Variants in TAF15 observed in about 807,000 individuals in gnomAD.
TAF15 encodes the protein TATA-binding protein-associated factor 2N.
Under a neutral mutation model 102.5 loss-of-function variants are expected in TAF15, and 37 were observed. The ratio of observed to expected loss-of-function variants is 0.36; its 90% confidence interval spans 0.28 to 0.47. The LOEUF is 0.47. TAF15 is among the 20% of genes least tolerant of loss of function. TAF15 has a pLI of 0.99. For synonymous variants in TAF15, 273 were observed against 259.2 expected (o/e 1.05, Z -0.51); for missense variants, 652 against 760.7 (o/e 0.86, Z 1.68).
rs2087525076 is a variant in TAF15, at chr17:35,840,029, GTTACTCCCGTT to G, written c.913+1481_913+1491del. 3.3e-5 allele frequency among the ~76,000 whole-genome samples: 5 copies of G among 152,016 alleles called. No homozygotes were observed. In the South Asian group the frequency reaches 1.0e-3, roughly 31 times the overall value. On this transcript the variant is annotated intron_variant, in intron 11 of 15. Coordinates refer to ENST00000605844, the MANE Select transcript of TAF15 (RefSeq NM_139215.3). ...AATAATCTTATGAGACATATGCCCT[GTTACTCCCGTT>G]TTACAGAGAGTGAAACTGATGCATA...
intron 1 of TAF15, chr17:35,809,894 G>A (rs1410221046): frequency 9.0e-6 from 5 of 553,488 alleles, no homozygotes; most frequent in Non-Finnish European, 1.6e-5. Flanking sequence ...CATCGTAGGG[G>A]CGGGGGGAGC....
At chr17:35,844,245 CT>C in intron 13 of TAF15, 34 bp from the exon 14 acceptor site, 1 of 1,611,488 alleles carries the variant, frequency 6.2e-7, no homozygotes, top group Non-Finnish European at 8.5e-7. Flanking sequence ...CCATTAGAAA[CT>C]ATATAGGAGC....
At chr17:35,818,084 T>G (rs528673430) in intron 2 of TAF15, among the ~76,000 whole-genome samples, 1 of 152,140 alleles carries the variant, frequency 6.6e-6, no homozygotes, top group African/African-American at 2.4e-5. Flanking sequence ...TGTGCCACTC[T>G]ACTGGGCTTC....
At chr17:35,821,619 G>A (rs1467688404) in intron 5 of TAF15, among the ~76,000 whole-genome samples, 1 of 151,986 alleles carries the variant, frequency 6.6e-6, no homozygotes, top group Non-Finnish European at 1.5e-5. Flanking sequence ...TTTATAATAA[G>A]TAAACCTACT....
At chr17:35,817,370 C>T (rs16971528) in intron 1 of TAF15, 5,252 of 275,318 alleles carry the variant, frequency 0.019, 283 homozygotes, top group African/African-American at 0.11. Flanking sequence ...GCATGTCTTT[C>T]CCCTTTTTGG....
chr17:35,824,336 G>A (rs2087300280), intron 7 of TAF15, 138 bp downstream of exon 7: 2 of 1,174,194 alleles, frequency 1.7e-6, no homozygotes. Context: ...TGGAGAAAAA[G>A]GCAGAAATTA....
chr17:35,821,123 G>C (rs1354151358), intron 5 of TAF15, among the ~76,000 whole-genome samples: 1 of 152,156 alleles, frequency 6.6e-6, no homozygotes, highest in Non-Finnish European at 1.5e-5. Context: ...GGCCTATCAA[G>C]TGACGTGGCT....
chr17:35,836,807 C>T (rs2087480504), intron 10 of TAF15, among the ~76,000 whole-genome samples: 1 of 151,148 alleles, frequency 6.6e-6, no homozygotes, highest in Non-Finnish European at 1.5e-5. Context: ...GAGACAGAAT[C>T]TCACTGTTTC....
chr17:35,809,732 G>C (rs2087102379), intron 1 of TAF15, 156 bp downstream of exon 1: 2 of 1,006,296 alleles, frequency 2.0e-6, no homozygotes, highest in Non-Finnish European at 3.0e-6. Flanking sequence ...TGTTGAACTG[G>C]AGGCACGCAC....
chr17:35,813,036 A>ATTGGTT (rs2087144763), intron 1 of TAF15, among the ~76,000 whole-genome samples: 2 of 150,726 alleles, frequency 1.3e-5, no homozygotes, highest in Non-Finnish European at 3.0e-5. Flanking sequence ...CTGAGGCACC[A>ATTGGTT]GAATTGGTTG....
chr17:35,840,743 A>T (rs2087533812), intron 11 of TAF15, among the ~76,000 whole-genome samples: 1 of 151,940 alleles, frequency 6.6e-6, no homozygotes, highest in African/African-American at 2.4e-5. Flanking sequence ...GAGCACCTGT[A>T]ATCCCAGCTA....
At chr17:35,809,805 C>T (rs2034243538) in intron 1 of TAF15, 7 of 622,526 alleles carry the variant, frequency 1.1e-5, no homozygotes, top group Non-Finnish European at 2.0e-5. Flanking sequence ...TGTCTTTTGA[C>T]CCTGTCCTTG....
intron 5 of TAF15, among the ~76,000 whole-genome samples, chr17:35,820,880 ATG>A (rs1006568758): frequency 2.0e-4 from 30 of 152,292 alleles, no homozygotes; most frequent in Middle Eastern, 3.4e-3. Flanking sequence ...TCTTTGATAT[ATG>A]TAGGTGAATA....
At position 35,842,380 on chromosome 17, in the gene TAF15, T is replaced by A. The variant is rs2143826554; in HGVS notation, c.927T>A (p.His309Gln). Residue 309 changes from histidine to glutamine, a missense_variant, in exon 12 of 16, where the codon CAT (histidine) becomes CAA (glutamine). By Grantham distance (24) the His-to-Gln change is conservative. Transcript: ENST00000605844. ...AIDWFDGKEFHGNIIKVSFAT... is the reference protein window; with the variant it reads ...AIDWFDGKEFQGNIIKVSFAT... ...CTTTTTTCTTAGGAAAAGAATTCCA[T>A]GGCAACATCATTAAAGTGTCCTTTG... 1.9e-6 allele frequency: 3 copies of A among 1,613,996 alleles called. No individual in the cohort carries two copies. Among genetic ancestry groups the A allele is most frequent in the Non-Finnish European group, 2.5e-6 (3 of 1,179,872 alleles).
intron 11 of TAF15, among the ~76,000 whole-genome samples, chr17:35,841,395 G>C (rs564519771): frequency 6.6e-6 from 1 of 151,930 alleles, no homozygotes; most frequent in South Asian, 2.1e-4. Context: ...TCTACAGCTG[G>C]CTTTTTTTCC....
intron 6 of TAF15, 132 bp downstream of exon 6, chr17:35,822,965 C>G (rs2143767908): frequency 9.1e-7 from 1 of 1,101,418 alleles, no homozygotes; most frequent in Non-Finnish European, 1.4e-6. Context: ...TATGTTCCCT[C>G]TCATGGTAAT....
At chr17:35,819,995 C>A in intron 2 of TAF15, 29 bp from the exon 3 acceptor site, 1 of 1,607,046 alleles carries the variant, frequency 6.2e-7, no homozygotes, top group South Asian at 1.1e-5. Context: ...CTACACATTT[C>A]TTTCAAGTAT....
intron 1 of TAF15, chr17:35,811,123 C>G (rs2087120111): frequency 6.6e-6 from 1 of 152,168 alleles, no homozygotes. Context: ...AGAAATTTAC[C>G]AAGTTTTAAT....
At chr17:35,813,117 CAAAAAA>C (rs55754009) in intron 1 of TAF15, among the ~76,000 whole-genome samples, 184 of 58,952 alleles carry the variant, frequency 3.1e-3, no homozygotes, top group African/African-American at 8.9e-3. Flanking sequence ...GACTCTGTCT[CAAAAAA>C]AAAAAAAAAA....
Sources: gnomAD v4.1 joint callset for allele counts (sites outside exome capture counted in the v4.1 genomes callset) on GRCh38, gnomAD v4.1.1 for gene constraint, MANE v1.5 for transcripts, NCBI Gene and HGNC (gene_info 2026-07-23, HGNC 2026-07-21) for gene names.